The following FANCA variants were observed in gnomAD, a reference collection of about 807,000 sequenced individuals.
FANCA encodes the protein Fanconi anemia group A protein.
Under a neutral mutation model 194.3 loss-of-function variants are expected in FANCA, and 236 were observed. The ratio of observed to expected loss-of-function variants is 1.21; its 90% CI spans 1.09 to 1.35. The LOEUF is 1.35. FANCA is among the 40% of genes most tolerant of loss of function. The probability of loss-of-function intolerance (pLI) is 0.00; values close to 1 mark genes in which losing one functional copy is unlikely to be tolerated. For missense variants in FANCA, 2,628 were observed against 1,813.9 expected, an observed-to-expected ratio of 1.45 and a Z score of -8.15; for synonymous variants, 1,014 against 715.8, an observed-to-expected ratio of 1.42 and a Z score of -6.65.
At chr16:89,799,760 G>A (rs1046994333) in intron 8 of FANCA, 122 bp from the exon 9 acceptor site, 12 of 785,012 alleles carry the variant, frequency 1.5e-5, no homozygotes, top group Non-Finnish European at 2.2e-5. Flanking sequence ...TCAGGAGGCC[G>A]AGGCGGGCGG....
chr16:89,793,165 A>G (rs895321423), intron 11 of FANCA, among the ~76,000 whole-genome samples: 1 of 151,700 alleles, frequency 6.6e-6, no homozygotes, highest in African/African-American at 2.4e-5. Context: ...TCCCGGGGGG[A>G]AAGGGAGAGT....
intron 28 of FANCA, among the ~76,000 whole-genome samples, chr16:89,763,439 G>A (rs1017743399): frequency 6.8e-6 from 1 of 146,110 alleles, no homozygotes; most frequent in Non-Finnish European, 1.5e-5. Flanking sequence ...GCCTCCCAAA[G>A]TGCTGGGATT....
At chr16:89,756,929 G>T (rs2038786773) in intron 30 of FANCA, among the ~76,000 whole-genome samples, 1 of 152,182 alleles carries the variant, frequency 6.6e-6, no homozygotes, top group Non-Finnish European at 1.5e-5. Context: ...CAACCCCTCA[G>T]GGAAAGGCAA....
intron 14 of FANCA, among the ~76,000 whole-genome samples, chr16:89,788,752 A>T (rs1343178255): frequency 1.3e-5 from 2 of 152,170 alleles, no homozygotes; most frequent in Non-Finnish European, 2.9e-5. Context: ...GTGAGCTATG[A>T]TCATGCCACT....
intron 6 of FANCA, among the ~76,000 whole-genome samples, chr16:89,807,184 C>CTTTTT (rs1011419652): frequency 3.0e-5 from 4 of 134,384 alleles, no homozygotes; most frequent in Non-Finnish European, 6.5e-5. Context: ...GCAGGTTTTT[C>CTTTTT]TTTTTTTTTT....
chr16:89,775,644 C>T (rs183927526), intron 21 of FANCA, 98 bp downstream of exon 21: 79 of 988,706 alleles, frequency 8.0e-5, no homozygotes, highest in Non-Finnish European at 1.1e-4. Context: ...GCACAGCCAC[C>T]CCCGAGCTCA....
intron 27 of FANCA, among the ~76,000 whole-genome samples, chr16:89,766,735 T>C (rs1598105297): frequency 1.3e-5 from 2 of 152,072 alleles, no homozygotes; most frequent in East Asian, 3.9e-4. Flanking sequence ...AAAAATTCCT[T>C]TGTCTGAACA....
chr16:89,808,053 G>A (rs111342604), intron 6 of FANCA, among the ~76,000 whole-genome samples: 18 of 118,358 alleles, frequency 1.5e-4, no homozygotes, highest in East Asian at 7.2e-4. Flanking sequence ...GCGAGACTCC[G>A]TCTCAAAAAA....
intron 10 of FANCA, among the ~76,000 whole-genome samples, chr16:89,796,447 C>G (rs908486837): frequency 2.0e-5 from 3 of 152,166 alleles, no homozygotes; most frequent in Admixed American, 1.3e-4. Flanking sequence ...CCCAGCACAC[C>G]AGGGCCTCAA....
intron 2 of FANCA, among the ~76,000 whole-genome samples, 181 bp downstream of exon 2, chr16:89,815,696 C>CG (rs1205395290): frequency 2.0e-5 from 3 of 152,020 alleles, no homozygotes; most frequent in Non-Finnish European, 4.4e-5. Flanking sequence ...ATAAAAGAGG[C>CG]GGGGTCTCAC....
chr16:89,770,819 G>A (rs1385825154), intron 23 of FANCA, among the ~76,000 whole-genome samples, 185 bp from the exon 24 acceptor site: 1 of 152,160 alleles, frequency 6.6e-6, no homozygotes, highest in Non-Finnish European at 1.5e-5. Flanking sequence ...CCAATCTTGG[G>A]AATAGCAGCC....
At chr16:89,785,108 A>G in intron 14 of FANCA, 144 bp from the exon 15 acceptor site, 1 of 714,898 alleles carries the variant, frequency 1.4e-6, no homozygotes, top group African/African-American at 1.7e-5. Context: ...TGTGGAGAGA[A>G]GAGTGTGAAG....
At chr16:89,745,813 G>A (rs1449099814) in intron 35 of FANCA, among the ~76,000 whole-genome samples, 4 of 152,106 alleles carry the variant, frequency 2.6e-5, no homozygotes, top group East Asian at 3.9e-4. Context: ...GAACGAAACA[G>A]TGAAGAGACC....
In FANCA at chr16:89,749,636, G is replaced by A. The variant is rs1006163359; in HGVS notation, c.3239+94C>T. 5.4e-6 allele frequency: 8 copies of A among 1,469,788 alleles called. No homozygotes were observed. The African/African-American group carries it at 7.0e-5, about 13-fold the overall frequency. The allele number at this position is 1,469,788 out of a possible 1,614,324, so 91.0% of individuals were successfully genotyped here. A position where few individuals can be genotyped will look rare whatever the true frequency, so the allele number is the denominator to read the frequency against. ...GGGACACACAGACAAGTAAGTAACG[G>A]GAAACAAACTCACTACAAAGAACCT... is the stretch of plus-strand genomic sequence containing the variant. On this transcript the variant is annotated intron_variant, in intron 32 of 42. Transcript: ENST00000389301.
chr16:89,786,858 A>T (rs975582780), intron 14 of FANCA, among the ~76,000 whole-genome samples: 1 of 152,062 alleles, frequency 6.6e-6, no homozygotes, highest in African/African-American at 2.4e-5. Flanking sequence ...AAACATCAGC[A>T]CCCAGTTTCA....
chr16:89,764,727 T>A (rs868147731), intron 28 of FANCA, 163 bp downstream of exon 28: 2 of 850,686 alleles, frequency 2.4e-6, no homozygotes, highest in Middle Eastern at 2.2e-4. Context: ...CACCCTAGAC[T>A]CGAGACGAGG....
At chr16:89,775,214 C>G (rs2039459921) in intron 21 of FANCA, among the ~76,000 whole-genome samples, 1 of 152,166 alleles carries the variant, frequency 6.6e-6, no homozygotes, top group Non-Finnish European at 1.5e-5. Flanking sequence ...AAACCAGCCT[C>G]ATGATGGCAT....
chr16:89,759,318 T>TTATAAAAAAAA (rs1224981781), intron 29 of FANCA, among the ~76,000 whole-genome samples: 1 of 75,180 alleles, frequency 1.3e-5, no homozygotes, highest in South Asian at 4.5e-4. Context: ...AGACTCCGTC[T>TTATAAAAAAAA]AAAAAAAAAA....
Position 89,749,199 on chromosome 16 carries a change from C to T in FANCA, c.3240-432G>A, listed in dbSNP as rs992159659. On this transcript the variant is annotated intron_variant, in intron 32 of 42. Coordinates refer to ENST00000389301, the MANE Select transcript of FANCA (RefSeq NM_000135.4). The stretch of plus-strand genomic sequence containing the variant: ...GAGCTCCTTCTGCGACGTCCCTCCA[C>T]GTCTGAGCAGGAAGGTTTTGTTGTT... 8.6e-5 allele frequency among the ~76,000 whole-genome samples: 13 copies of T among 151,980 alleles called. No homozygotes were observed. In the East Asian group the frequency reaches 1.8e-3, roughly 21 times the overall value.
Sources: gnomAD v4.1 joint callset for allele counts (sites outside exome capture counted in the v4.1 genomes callset) on GRCh38, gnomAD v4.1.1 for gene constraint, MANE v1.5 for transcripts, NCBI Gene and HGNC (gene_info 2026-07-23, HGNC 2026-07-21) for gene names.